Variants in PACS1 observed in about 807,000 individuals in gnomAD.
The protein encoded by PACS1 is phosphofurin acidic cluster sorting protein 1, also known as PACS-1.
In PACS1, 24 loss-of-function variants were observed where a neutral mutation model predicts 115.0. The ratio of observed to expected loss-of-function variants is 0.21; its 90% CI spans 0.15 to 0.29. The LOEUF is 0.29. Among genes scored for constraint, PACS1 ranks in the 10% least tolerant of loss-of-function variants. The probability of loss-of-function intolerance (pLI) is 1.00; values close to 1 mark genes in which losing one functional copy is unlikely to be tolerated. For synonymous variants in PACS1, 453 were observed against 504.5 expected, an observed-to-expected ratio of 0.90 and a Z score of 1.37; for missense variants, 838 against 1,251.2, an observed-to-expected ratio of 0.67 and a Z score of 4.98.
At position 66,070,462 on chromosome 11, in the gene PACS1, T is replaced by A; in HGVS notation, c.-25T>A. 1.6e-6 allele frequency: 2 copies of A among 1,228,144 alleles called. No homozygotes were observed. Among genetic ancestry groups the A allele is most frequent in the Non-Finnish European group, 2.0e-6 (2 of 983,450 alleles). The allele number at this position is 1,228,144 out of a possible 1,614,324, so 76.1% of individuals were successfully genotyped here. ...GAGCCAGATCGGCGTCGCCTCGGCC[T>A]CCGTAACCCCCGCCTAGCCGGGCCA... On this transcript the variant is annotated 5_prime_UTR_variant, in exon 1 of 24. Transcript: ENST00000320580. This position sits in a 1 kb window ranked among gnomAD's most constrained non-coding sequence, Gnocchi z 5.9.
chr11:66,114,774 C>T (rs192678638), intron 1 of PACS1, among the ~76,000 whole-genome samples: 21 of 152,222 alleles, frequency 1.4e-4, no homozygotes, highest in Admixed American at 7.2e-4. Context: ...TCTGTGACTG[C>T]GGACTTCATT....
At chr11:66,212,437 T>A (rs1358169790) in intron 4 of PACS1, among the ~76,000 whole-genome samples, 14 of 137,814 alleles carry the variant, frequency 1.0e-4, no homozygotes, top group Admixed American at 5.1e-4. Context: ...TGGCCTTAAC[T>A]TTTTTTTTTT....
At chr11:66,182,144 T>A (rs1860025468) in intron 1 of PACS1, among the ~76,000 whole-genome samples, 3 of 152,168 alleles carry the variant, frequency 2.0e-5, no homozygotes, top group Non-Finnish European at 4.4e-5. Context: ...TGTTTCCCAA[T>A]CCAGAAAATT....
chr11:66,115,898 A>T (rs1421118656), intron 1 of PACS1, among the ~76,000 whole-genome samples: 1 of 152,172 alleles, frequency 6.6e-6, no homozygotes, highest in African/African-American at 2.4e-5. Flanking sequence ...GGTTTCAGTT[A>T]TCTTGACTTT....
At chr11:66,125,201 C>T (rs1354805732) in intron 1 of PACS1, among the ~76,000 whole-genome samples, 1 of 152,126 alleles carries the variant, frequency 6.6e-6, no homozygotes, top group African/African-American at 2.4e-5. Context: ...GGTGAAAGGG[C>T]AGGAGGCAGG....
intron 2 of PACS1, among the ~76,000 whole-genome samples, chr11:66,207,979 G>A (rs1468946060): frequency 6.6e-6 from 1 of 152,150 alleles, no homozygotes; most frequent in Non-Finnish European, 1.5e-5. Context: ...GTGTTGCCCA[G>A]GCTGGTCTTG....
At chr11:66,200,842 C>CT (rs373372144) in intron 2 of PACS1, among the ~76,000 whole-genome samples, 3,594 of 148,978 alleles carry the variant, frequency 0.024, 171 homozygotes, top group African/African-American at 0.084. Context: ...GCAGAATACA[C>CT]TTTTTTTTTT....
At chr11:66,167,814 T>C (rs548891405) in intron 1 of PACS1, among the ~76,000 whole-genome samples, 20 of 150,478 alleles carry the variant, frequency 1.3e-4, no homozygotes, top group Admixed American at 6.6e-4. Context: ...GATTGTGGGA[T>C]TATTTCTGGG....
chr11:66,202,764 T>A (rs866729789), intron 2 of PACS1, among the ~76,000 whole-genome samples: 6,424 of 85,536 alleles, frequency 0.075, 1,019 homozygotes, highest in Admixed American at 0.13. Flanking sequence ...TATATATATA[T>A]ATATATATAT....
At chr11:66,182,519 A>G (rs1369062345) in intron 1 of PACS1, among the ~76,000 whole-genome samples, 4 of 151,756 alleles carry the variant, frequency 2.6e-5, no homozygotes, top group South Asian at 2.1e-4. Context: ...GCTGGAGTAC[A>G]GTTGCGTGAT....
chr11:66,234,722 C>T (rs1395294123), intron 17 of PACS1, among the ~76,000 whole-genome samples: 1 of 151,984 alleles, frequency 6.6e-6, no homozygotes, highest in East Asian at 1.9e-4. Context: ...TACAAAAATA[C>T]AAAAATTAGC....
At chr11:66,082,015 G>A (rs980662331) in intron 1 of PACS1, among the ~76,000 whole-genome samples, 5 of 152,062 alleles carry the variant, frequency 3.3e-5, no homozygotes, top group African/African-American at 9.7e-5. Flanking sequence ...CCTTTAATAA[G>A]CATCAGGACT....
chr11:66,138,569 C>G (rs1292463101), intron 1 of PACS1, among the ~76,000 whole-genome samples: 1 of 152,124 alleles, frequency 6.6e-6, no homozygotes, highest in Non-Finnish European at 1.5e-5. Flanking sequence ...TACCCTGGGT[C>G]CCTTGCTTGC....
intron 1 of PACS1, among the ~76,000 whole-genome samples, chr11:66,191,761 C>T (rs1410372223): frequency 2.6e-5 from 4 of 152,208 alleles, no homozygotes; most frequent in African/African-American, 9.6e-5. Context: ...TGGTGGCTCA[C>T]GCCTGTAATC....
chr11:66,191,984 C>T (rs1854534984), intron 1 of PACS1, among the ~76,000 whole-genome samples: 1 of 151,798 alleles, frequency 6.6e-6, no homozygotes, highest in South Asian at 2.1e-4. Flanking sequence ...AATCATGCCA[C>T]TGCACTCCAG....
intron 1 of PACS1, among the ~76,000 whole-genome samples, chr11:66,112,597 C>CT (rs1183880961): frequency 6.6e-6 from 1 of 152,176 alleles, no homozygotes; most frequent in Non-Finnish European, 1.5e-5. Context: ...TCGTTCATGA[C>CT]TGAGTTCTCA....
At chr11:66,097,106 G>T (rs548556332) in intron 1 of PACS1, among the ~76,000 whole-genome samples, 1 of 149,962 alleles carries the variant, frequency 6.7e-6, no homozygotes, top group Non-Finnish European at 1.5e-5. Context: ...CAAAGTGATT[G>T]TATCAGTTTG....
chr11:66,200,482 A>C (rs10896097), intron 2 of PACS1, among the ~76,000 whole-genome samples: 37,113 of 152,016 alleles, frequency 0.24, 4,983 homozygotes, highest in East Asian at 0.44. Context: ...AACAAACAAA[A>C]AAAAAAAGAG....
intron 1 of PACS1, among the ~76,000 whole-genome samples, chr11:66,185,613 C>T (rs1260850066): frequency 6.6e-6 from 1 of 152,112 alleles, no homozygotes; most frequent in Non-Finnish European, 1.5e-5. Flanking sequence ...ATCCCCATGC[C>T]GGACCATGGA....
Sources: allele counts gnomAD v4.1 joint callset (sites outside exome capture counted in the v4.1 genomes callset), GRCh38; gene constraint gnomAD v4.1.1; non-coding constraint Gnocchi (gnomAD v3.1); transcripts MANE v1.5; gene names NCBI Gene and HGNC (gene_info 2026-07-23, HGNC 2026-07-21).